The following KIF5A variants were observed in gnomAD, a reference collection of about 807,000 sequenced individuals.
The protein encoded by KIF5A is kinesin family member 5A.
In KIF5A, 35 loss-of-function variants were observed where a neutral mutation model predicts 141.3. The observed-to-expected ratio is 0.25, with a 90% CI of 0.19 to 0.33. The LOEUF (loss-of-function observed/expected upper bound fraction) is 0.33. Among genes scored for constraint, KIF5A ranks in the 10% least tolerant of loss-of-function variants. KIF5A has a pLI of 1.00. For missense variants in KIF5A, 861 were observed against 1,314.3 expected (o/e 0.66, Z 5.33); for synonymous variants, 448 against 500.2 (o/e 0.90, Z 1.39).
chr12:57,569,638 G>A lies in KIF5A; in HGVS notation c.1072G>A (p.Glu358Lys). 1 of 1,614,090 alleles carries A rather than the reference G, an allele frequency of 6.2e-7. No homozygotes were observed. The change falls in exon 11 of 29, where the codon GAG (glutamate) becomes AAG (lysine). Residue 358 changes from glutamate to lysine, a missense_variant. Glu to Lys is a moderately conservative substitution (Grantham distance 56). Around this residue, in one of 5 missense-constraint regions of KIF5A, gnomAD observed 167 missense variants for 192.0 expected, o/e 0.87. Transcript: ENST00000455537. The part of the protein sequence containing the change: ...KEKEKTKAQK[E>K]TIAKLEAELS... Reference sequence around the variant, plus strand: ...GAAGGAGAAGACAAAGGCCCAGAAGGAGACGATTGCGAAGCTGGAGGCTGA... The same window carrying A: ...GAAGGAGAAGACAAAGGCCCAGAAGAAGACGATTGCGAAGCTGGAGGCTGA...
Position 57,583,100 on chromosome 12 carries a change from G to C in KIF5A, c.3021-1G>C, listed in dbSNP as rs750147589. 6.2e-7 allele frequency: 1 copy of C among 1,613,512 alleles called. No homozygotes were observed. Among genetic ancestry groups the C allele is most frequent in the Non-Finnish European group, 8.5e-7 (1 of 1,179,636 alleles). ...TGATCATGGTGGGTCTCTTCCTCCA[G>C]GAGTGACCTGCCGTGTGGCTATGAG... On this transcript the variant is annotated splice_acceptor_variant, in intron 27 of 28. Transcript: ENST00000455537. LOFTEE classifies it high-confidence loss of function.
intron 23 of KIF5A, among the ~76,000 whole-genome samples, chr12:57,579,495 T>A (rs1442161254): frequency 6.6e-6 from 1 of 152,136 alleles, no homozygotes; most frequent in African/African-American, 2.4e-5. Flanking sequence ...ATAGTAAATA[T>A]TCAGTACTTT....
At position 57,572,600 on chromosome 12, in the gene KIF5A, G is replaced by A. The variant is rs1451495678; in HGVS notation, c.1590G>A (p.Glu530=). The A allele has an allele frequency of 6.2e-7, 1 of 1,614,248 alleles. No homozygotes were observed. Among genetic ancestry groups the A allele is most frequent in the African/African-American group, 1.3e-5 (1 of 75,074 alleles). ...SQKVATMLSL[E]SELQRLQEVS... ...CCCAGGCCACCATGCTGTCCCTGGAGTCTGAGTTGCAGCGGCTACAGGAGG... is the reference window on the plus strand; with the variant it reads ...CCCAGGCCACCATGCTGTCCCTGGAATCTGAGTTGCAGCGGCTACAGGAGG... The change falls in exon 15 of 29, where the codon GAG becomes GAA. Residue 530 remains glutamate, a synonymous_variant. Coordinates refer to ENST00000455537, the MANE Select transcript of KIF5A (RefSeq NM_004984.4). This position sits in a 1 kb window ranked among gnomAD's most constrained non-coding sequence, Gnocchi z 4.2.
chr12:57,571,515 A>G, intron 13 of KIF5A, 126 bp downstream of exon 13: 1 of 876,958 alleles, frequency 1.1e-6, no homozygotes. Context: ...TCACTCCCCT[A>G]AACAGCAGAA....
chr12:57,558,517 T>G (rs1000309861), intron 1 of KIF5A, among the ~76,000 whole-genome samples: 2 of 151,914 alleles, frequency 1.3e-5, no homozygotes, highest in Non-Finnish European at 2.9e-5. Flanking sequence ...CTACTAAAAA[T>G]ACAGAAATTA....
rs147510678 is a variant in KIF5A, at chr12:57,567,184, G to C, written c.560G>C (p.Gly187Ala). Residue 187 changes from glycine (G) to alanine (A), a missense_variant, in exon 7 of 29, where the codon GGG becomes GCG. Around this residue, in one of 5 missense-constraint regions of KIF5A, gnomAD observed 146 missense variants for 353.4 expected, o/e 0.41. Transcript: ENST00000455537. The part of the protein sequence containing the change: ...PEEILDVIDE[G>A]KSNRHVAVTN... ...GAGATTCTGGATGTGATTGATGAAG[G>C]GAAATCAAATCGTCATGTGGCTGTC... 4.3e-6 allele frequency: 7 copies of C among 1,613,412 alleles called. No homozygotes were observed.
At chr12:57,563,832 C>A in intron 3 of KIF5A, 139 bp downstream of exon 3, 1 of 820,802 alleles carries the variant, frequency 1.2e-6, no homozygotes, top group Non-Finnish European at 2.1e-6. Context: ...AACTGAAGGG[C>A]AATATTAGGG....
In KIF5A at chr12:57,569,648, C is replaced by T. The variant is rs121434444; in HGVS notation, c.1082C>T (p.Ala361Val). ...EKTKAQKETIAKLEAELSRWR... is the reference protein window; with the variant it reads ...EKTKAQKETIVKLEAELSRWR... ...ACAAAGGCCCAGAAGGAGACGATTG[C>T]GAAGCTGGAGGCTGAGCTGAGCCGG... is the stretch of plus-strand genomic sequence containing the variant. Residue 361 changes from alanine to valine, a missense_variant, in exon 11 of 29, where the codon GCG (alanine) becomes GTG (valine). Ala to Val is a moderately conservative substitution (Grantham distance 64). Transcript: ENST00000455537. 35 of 1,613,968 alleles carry T rather than the reference C, an allele frequency of 2.2e-5. No homozygotes were observed. The highest frequency in any genetic ancestry group is 1.0e-4 in the Admixed American group (6 of 60,016).
Position 57,586,617 on chromosome 12 carries a change from ATT to A in KIF5A, c.*2437_*2438del, listed in dbSNP as rs1294183845. 1.3e-5 allele frequency: 2 copies of A among 152,200 alleles called. No individual in the cohort carries two copies. Among genetic ancestry groups the A allele is most frequent in the African/African-American group, 2.4e-5 (1 of 41,444 alleles). The allele number at this position is 152,200 out of a possible 1,614,324, so 9.4% of individuals were successfully genotyped here. A position where few individuals can be genotyped will look rare whatever the true frequency, so the allele number is the denominator to read the frequency against. Reference sequence around the variant, plus strand: ...CATAGATAACTTTAAAATAAAATAAATTCAATGATAACTCTATGTTGTTGTAA... The same window carrying A: ...CATAGATAACTTTAAAATAAAATAAACAATGATAACTCTATGTTGTTGTAA... On this transcript the variant is annotated 3_prime_UTR_variant, in exon 29 of 29. Coordinates refer to ENST00000455537, the MANE Select transcript of KIF5A (RefSeq NM_004984.4).
In KIF5A at chr12:57,576,776, C is replaced by G. The variant is rs1337898697; in HGVS notation, c.2214C>G (p.Leu738=). 11 of 1,613,302 alleles carry G rather than the reference C, an allele frequency of 6.8e-6. No homozygotes were observed. The highest frequency in any genetic ancestry group is 9.3e-6 in the Non-Finnish European group (11 of 1,179,516). The change falls in exon 20 of 29, where the codon CTC becomes CTG. Residue 738 remains leucine, a synonymous_variant. Coordinates refer to ENST00000455537, the MANE Select transcript of KIF5A (RefSeq NM_004984.4). ...IDELKDLNQK[L]QLELEKLQAD... is the part of the protein sequence containing the mutation. Reference sequence around the variant, plus strand: ...TGCTCTGTAGCCTAAATCAGAAGCTCCAGTTAGAGCTAGAGAAGCTTCAGG... The same window carrying G: ...TGCTCTGTAGCCTAAATCAGAAGCTGCAGTTAGAGCTAGAGAAGCTTCAGG...
chr12:57,564,351 G>A, intron 4 of KIF5A, 109 bp from the exon 5 acceptor site: 2 of 1,102,878 alleles, frequency 1.8e-6, no homozygotes, highest in Non-Finnish European at 2.8e-6. Context: ...GTTCTCTTCT[G>A]TTCTTTTCCT....
chr12:57,576,071 C>T lies in KIF5A; in HGVS notation c.2024-16C>T. The T allele has an allele frequency of 6.2e-7, 1 of 1,613,202 alleles. No homozygotes were observed. Among genetic ancestry groups the T allele is most frequent in the Non-Finnish European group, 8.5e-7 (1 of 1,179,166 alleles). ...AGGTAGGTTTGATGTCAGCTGTCTTCCCCTCTTTCCCTTAGAAACTGTGCA... is the reference window on the plus strand; with the variant it reads ...AGGTAGGTTTGATGTCAGCTGTCTTTCCCTCTTTCCCTTAGAAACTGTGCA... On this transcript the variant is annotated splice_polypyrimidine_tract_variant and intron_variant, in intron 17 of 28. Coordinates refer to ENST00000455537, the MANE Select transcript of KIF5A (RefSeq NM_004984.4).
Position 57,567,182 on chromosome 12 carries a change from A to G in KIF5A, c.558A>G (p.Glu186=), listed in dbSNP as rs1882089540. Residue 186 remains glutamate, a synonymous_variant, in exon 7 of 29, where the codon GAA becomes GAG. Transcript: ENST00000455537. ...SPEEILDVID[E]GKSNRHVAVT... ...AGGAGATTCTGGATGTGATTGATGA[A>G]GGGAAATCAAATCGTCATGTGGCTG... 6.2e-7 allele frequency: 1 copy of G among 1,613,268 alleles called. No homozygotes were observed. Among genetic ancestry groups the G allele is most frequent in the East Asian group, 2.2e-5 (1 of 44,860 alleles).
chr12:57,554,309 A>C (rs1881667892), intron 1 of KIF5A, among the ~76,000 whole-genome samples: 1 of 152,298 alleles, frequency 6.6e-6, no homozygotes, highest in Non-Finnish European at 1.5e-5. Flanking sequence ...AATAGTATCT[A>C]TGTCCTAGGA....
At chr12:57,568,897 C>T (rs951504415) in intron 8 of KIF5A, 66 bp from the exon 9 acceptor site, 23 of 1,030,108 alleles carry the variant, frequency 2.2e-5, no homozygotes, top group African/African-American at 9.4e-5. Flanking sequence ...AGCCCTGGAA[C>T]GAGGTGGTGA....
chr12:57,557,256 TAAAA>T (rs776630963), intron 1 of KIF5A, among the ~76,000 whole-genome samples: 3 of 146,664 alleles, frequency 2.0e-5, no homozygotes, highest in African/African-American at 7.5e-5. Context: ...AAAAGGAAAT[TAAAA>T]AAAAAAAGAT....
At chr12:57,574,316 A>C (rs963600441) in intron 15 of KIF5A, among the ~76,000 whole-genome samples, 1 of 148,786 alleles carries the variant, frequency 6.7e-6, no homozygotes, top group African/African-American at 2.5e-5. Flanking sequence ...TCTGTTGCCC[A>C]GGCTGGAGTG....
chr12:57,552,549 C>T (rs1338194693), intron 1 of KIF5A, among the ~76,000 whole-genome samples: 1 of 152,164 alleles, frequency 6.6e-6, no homozygotes, highest in Non-Finnish European at 1.5e-5. Context: ...GCCATTTTGT[C>T]TTAGGCAACA....
chr12:57,585,281 C>T lies in KIF5A; in HGVS notation c.*1100C>T, dbSNP rs1401990052. 3 of 154,076 alleles carry T rather than the reference C, an allele frequency of 1.9e-5. No homozygotes were observed. Among genetic ancestry groups the T allele is most frequent in the African/African-American group, 7.3e-5 (3 of 41,298 alleles). The allele number at this position is 154,076 out of a possible 1,614,324, so 9.5% of individuals were successfully genotyped here. On this transcript the variant is annotated 3_prime_UTR_variant, in exon 29 of 29. Transcript: ENST00000455537. ...CTTTCAAGCTGGAGCCTGACTTTTC[C>T]CCAATGTACATTTTTTTTTTCTCCA...
Sources: gnomAD v4.1 joint callset for allele counts (sites outside exome capture counted in the v4.1 genomes callset) on GRCh38, gnomAD v4.1.1 for gene constraint, gnomAD v4.1.1 regional missense constraint, Gnocchi (gnomAD v3.1) non-coding constraint, MANE v1.5 for transcripts, NCBI Gene and HGNC (gene_info 2026-07-23, HGNC 2026-07-21) for gene names.